Variants in MALRD1 observed in about 807,000 individuals in gnomAD.
MALRD1 encodes MAM and LDL receptor class A domain containing 1, also known as MAM and LDL-receptor class A domain-containing protein 1.
In MALRD1, 247 loss-of-function variants were observed where a neutral mutation model predicts 242.1. The observed-to-expected ratio is 1.02, with a 90% CI of 0.92 to 1.13. The LOEUF is 1.13. Ranked by LOEUF, MALRD1 falls within the 50% of genes most tolerant of loss-of-function variation. The probability of loss-of-function intolerance (pLI) is 0.00; values close to 1 mark genes in which losing one functional copy is unlikely to be tolerated. For synonymous variants in MALRD1, 995 were observed against 866.6 expected (o/e 1.15, Z -2.60); for missense variants, 2,989 against 2,533.1 (o/e 1.18, Z -3.86).
At chr10:19,103,180 A>G (rs16915577) in intron 4 of MALRD1, among the ~76,000 whole-genome samples, 9,646 of 152,112 alleles carry the variant, frequency 0.063, 469 homozygotes, top group East Asian at 0.28. Flanking sequence ...AAGTCACAGA[A>G]CAATCATTTC....
intron 17 of MALRD1, 113 bp from the exon 18 acceptor site, chr10:19,209,155 C>T: frequency 1.0e-6 from 1 of 993,808 alleles, no homozygotes; most frequent in South Asian, 2.5e-5. Context: ...AAATGGCTTA[C>T]CTTGGCATGA....
chr10:19,704,676 G>C (rs1255896644), intron 38 of MALRD1, among the ~76,000 whole-genome samples: 1 of 152,144 alleles, frequency 6.6e-6, no homozygotes, highest in Non-Finnish European at 1.5e-5. Context: ...CGTTTATTAA[G>C]ACTTCCTTTG....
At position 19,155,154 on chromosome 10, in the gene MALRD1, T is replaced by C; in HGVS notation, c.1638T>C (p.Thr546=). 1.6e-6 allele frequency: 2 copies of C among 1,231,470 alleles called. No homozygotes were observed. The highest frequency in any genetic ancestry group is 2.0e-6 in the Non-Finnish European group (2 of 987,782). 76.3% of individuals were successfully genotyped at this position (1,231,470 alleles called of 1,614,324 possible). A position where few individuals can be genotyped will look rare whatever the true frequency, so the allele number is the denominator to read the frequency against. The part of the protein sequence containing the change: ...LGSPVLTKLL[T]ASTPCQVQFW... ...GTCCTGTTCTTACAAAATTGCTCAC[T>C]GCCTCTACCCCATGTCAGGTAATCA... Residue 546 remains threonine, a synonymous_variant, in exon 12 of 40, where the codon ACT becomes ACC. Transcript: ENST00000454679.
At chr10:19,157,941 TC>T (rs2131475847) in intron 12 of MALRD1, among the ~76,000 whole-genome samples, 1 of 152,346 alleles carries the variant, frequency 6.6e-6, no homozygotes, top group South Asian at 2.1e-4. Flanking sequence ...ACACATGGCA[TC>T]AGCATGGACA....
chr10:19,291,128 A>G (rs950290780), intron 21 of MALRD1, among the ~76,000 whole-genome samples: 4 of 152,200 alleles, frequency 2.6e-5, no homozygotes, highest in African/African-American at 7.2e-5. Context: ...ATGCCAATCT[A>G]TTGGTTAAAT....
At chr10:19,436,054 T>A (rs1834337739) in intron 28 of MALRD1, among the ~76,000 whole-genome samples, 1 of 152,130 alleles carries the variant, frequency 6.6e-6, no homozygotes, top group Non-Finnish European at 1.5e-5. Context: ...ACCTGATGTA[T>A]CCCCGTTATT....
chr10:19,455,188 T>C (rs1835579247), intron 29 of MALRD1, among the ~76,000 whole-genome samples: 1 of 152,144 alleles, frequency 6.6e-6, no homozygotes, highest in African/African-American at 2.4e-5. Context: ...TGTACAGAAA[T>C]CTTATAAAAT....
intron 33 of MALRD1, among the ~76,000 whole-genome samples, chr10:19,593,943 A>G (rs947228806): frequency 6.6e-6 from 1 of 152,178 alleles, no homozygotes; most frequent in African/African-American, 2.4e-5. Flanking sequence ...TTTGGATATG[A>G]CAGCACATGG....
At chr10:19,570,855 G>T (rs992377852) in intron 33 of MALRD1, among the ~76,000 whole-genome samples, 1 of 151,696 alleles carries the variant, frequency 6.6e-6, no homozygotes, top group East Asian at 1.9e-4. Flanking sequence ...ATTTTTAAAT[G>T]TCTTCTTAAA....
At chr10:19,460,778 A>G (rs1835899749) in intron 29 of MALRD1, among the ~76,000 whole-genome samples, 1 of 152,166 alleles carries the variant, frequency 6.6e-6, no homozygotes, top group African/African-American at 2.4e-5. Flanking sequence ...GCAAGAGCAA[A>G]TTACCCGAAG....
At chr10:19,387,450 C>T (rs929796090) in intron 26 of MALRD1, 78 bp from the exon 27 acceptor site, 3 of 1,438,688 alleles carry the variant, frequency 2.1e-6, no homozygotes, top group Non-Finnish European at 2.8e-6. Flanking sequence ...TAAAATGAAT[C>T]CACTCTTACT....
intron 14 of MALRD1, among the ~76,000 whole-genome samples, chr10:19,179,726 C>T (rs916239942): frequency 3.9e-5 from 6 of 152,190 alleles, no homozygotes; most frequent in Admixed American, 3.3e-4. Flanking sequence ...TTCTTATTAT[C>T]GTAAGCAGTT....
At chr10:19,250,959 A>G (rs1185916621) in intron 18 of MALRD1, among the ~76,000 whole-genome samples, 1 of 151,722 alleles carries the variant, frequency 6.6e-6, no homozygotes, top group Non-Finnish European at 1.5e-5. Flanking sequence ...TTTTAATATT[A>G]TTATTATTAT....
chr10:19,498,177 A>G (rs117598916), intron 30 of MALRD1, among the ~76,000 whole-genome samples: 1,840 of 152,274 alleles, frequency 0.012, 27 homozygotes, highest in East Asian at 0.056. Flanking sequence ...TATTTATTTG[A>G]CCTGAATAAT....
In MALRD1 at chr10:19,595,484, G is replaced by T. The variant is rs1430059511; in HGVS notation, c.5944+27G>T. The T allele has an allele frequency of 7.8e-6, 12 of 1,535,778 alleles. No individual in the cohort carries two copies. The South Asian group carries it at 1.4e-4, about 19-fold the overall frequency. On this transcript the variant is annotated intron_variant, in intron 34 of 39. Coordinates refer to ENST00000454679, the MANE Select transcript of MALRD1 (RefSeq NM_001142308.3). ...TGAGTTATTTTCACTAACTCAATGT[G>T]TAAGGGAAGGCATGCTGCTTTAAAA...
chr10:19,382,835 A>G (rs1218748061), intron 26 of MALRD1, among the ~76,000 whole-genome samples: 3 of 152,160 alleles, frequency 2.0e-5, no homozygotes, highest in Non-Finnish European at 4.4e-5. Context: ...GAAGATTTTC[A>G]TCCTGTACCA....
At chr10:19,075,353 A>G (rs1030201244) in intron 2 of MALRD1, among the ~76,000 whole-genome samples, 7 of 152,066 alleles carry the variant, frequency 4.6e-5, no homozygotes, top group Admixed American at 2.6e-4. Flanking sequence ...TCGCAAGATT[A>G]TCTTGGACTG....
intron 2 of MALRD1, among the ~76,000 whole-genome samples, chr10:19,080,971 T>A (rs1835470193): frequency 6.6e-6 from 1 of 151,854 alleles, no homozygotes; most frequent in Non-Finnish European, 1.5e-5. Context: ...AACAGACACT[T>A]CTCAAAGAAA....
chr10:19,460,784 C>T (rs969448561), intron 29 of MALRD1, among the ~76,000 whole-genome samples: 3 of 152,014 alleles, frequency 2.0e-5, no homozygotes, highest in South Asian at 2.1e-4. Context: ...GCAAATTACC[C>T]GAAGACCAGG....
Sources: gnomAD v4.1 joint callset for allele counts (sites outside exome capture counted in the v4.1 genomes callset) on GRCh38, gnomAD v4.1.1 for gene constraint, MANE v1.5 for transcripts, NCBI Gene and HGNC (gene_info 2026-07-23, HGNC 2026-07-21) for gene names.